LARP6: variants seen among roughly 807,000 people sequenced by gnomAD.
The protein encoded by LARP6 is la-related protein 6.
In LARP6, 18 loss-of-function variants were observed where a neutral mutation model predicts 32.8. That is an observed-to-expected ratio of 0.55 (90% confidence interval 0.38 to 0.81). The LOEUF (loss-of-function observed/expected upper bound fraction) is 0.81. Among genes scored for constraint, LARP6 ranks in the 40% least tolerant of loss-of-function variants. The pLI is 0.00. For synonymous variants in LARP6, 289 were observed against 267.2 expected (o/e 1.08, Z -0.80); for missense variants, 598 against 663.1 (o/e 0.90, Z 1.08).
intron 1 of LARP6, among the ~76,000 whole-genome samples, chr15:70,840,265 C>A (rs1031154671): frequency 6.6e-6 from 1 of 152,110 alleles, no homozygotes; most frequent in African/African-American, 2.4e-5. Flanking sequence ...TGAGGCCGGG[C>A]GCGGTGGCTC....
chr15:70,841,966 C>G (rs2032266526), intron 1 of LARP6, among the ~76,000 whole-genome samples: 3 of 152,118 alleles, frequency 2.0e-5, no homozygotes, highest in Admixed American at 2.0e-4. Context: ...CTTCTTGATA[C>G]TCTCCCCCCT....
At position 70,836,578 on chromosome 15, in the gene LARP6, G is replaced by C; in HGVS notation, c.201-73C>G. On this transcript the variant is annotated intron_variant, in intron 1 of 2. Transcript: ENST00000299213. ...GTCCCCCAAAAATTCATATGCTGAA[G>C]TCCTGACCCCCAATACCTTGGAGTA... 4 of 1,217,722 alleles carry C rather than the reference G, an allele frequency of 3.3e-6. No homozygotes were observed. The South Asian group carries it at 4.9e-5, about 15-fold the overall frequency. The allele number at this position is 1,217,722 out of a possible 1,614,324, so 75.4% of individuals were successfully genotyped here.
intron 1 of LARP6, among the ~76,000 whole-genome samples, chr15:70,842,319 A>G (rs1300369746): frequency 6.6e-6 from 1 of 151,904 alleles, no homozygotes; most frequent in Non-Finnish European, 1.5e-5. Context: ...AACTGTTGGG[A>G]TTACAGGTAT....
intron 1 of LARP6, chr15:70,853,449 G>C (rs988000375): frequency 6.5e-6 from 1 of 154,280 alleles, no homozygotes; most frequent in Non-Finnish European, 1.4e-5. Context: ...GGGAAAGGCA[G>C]GGCGATGATG....
At position 70,832,609 on chromosome 15, in the gene LARP6, CATG is replaced by C. The variant is rs778379986; in HGVS notation, c.916_918del (p.His306del). ...TGGATGCTCGCAGTGGGCTCCTCGTCATGATTTTTGTCTTTGGCAGGTTTCTTT... is the reference window on the plus strand; with the variant it reads ...TGGATGCTCGCAGTGGGCTCCTCGTCATTTTTGTCTTTGGCAGGTTTCTTT... On this transcript the variant is annotated inframe_deletion, in exon 3 of 3. Coordinates refer to ENST00000299213, the MANE Select transcript of LARP6 (RefSeq NM_018357.4). 1 of 1,605,336 alleles carries C rather than the reference CATG, an allele frequency of 6.2e-7. No homozygotes were observed. Among genetic ancestry groups the C allele is most frequent in the African/African-American group, 1.3e-5 (1 of 74,372 alleles).
At chr15:70,849,385 A>C (rs1292125782) in intron 1 of LARP6, 1 of 156,500 alleles carries the variant, frequency 6.4e-6, no homozygotes, top group African/African-American at 2.4e-5. Context: ...ACAAACAAAC[A>C]AACAAAAAAA....
rs749478458 is a variant in LARP6, at chr15:70,829,580, A to C, written c.*2472T>G. 6.6e-6 allele frequency: 1 copy of C among 152,242 alleles called. No homozygotes were observed. Among genetic ancestry groups the C allele is most frequent in the Non-Finnish European group, 1.5e-5 (1 of 68,044 alleles). The allele number at this position is 152,242 out of a possible 1,614,324, so 9.4% of individuals were successfully genotyped here. The stretch of plus-strand genomic sequence containing the variant: ...ACTAATGCCTGCAAAGCACTTTTCC[A>C]TTCAGAAAGCACTTGCACATATATG... On this transcript the variant is annotated 3_prime_UTR_variant, in exon 3 of 3. Transcript: ENST00000299213.
At chr15:70,836,698 G>A (rs2032155214) in intron 1 of LARP6, among the ~76,000 whole-genome samples, 193 bp from the exon 2 acceptor site, 1 of 152,070 alleles carries the variant, frequency 6.6e-6, no homozygotes, top group South Asian at 2.1e-4. Context: ...ACACAACTAG[G>A]GTCCTTACCA....
chr15:70,831,981 G>T lies in LARP6; in HGVS notation c.*71C>A, dbSNP rs1408562139. On this transcript the variant is annotated 3_prime_UTR_variant, in exon 3 of 3. Coordinates refer to ENST00000299213, the MANE Select transcript of LARP6 (RefSeq NM_018357.4). The stretch of plus-strand genomic sequence containing the variant: ...AGGGGAACGAATTCCATTCTGTCAT[G>T]CCAGGTGTTTGTCAGAACCTTGAAA... The T allele has an allele frequency of 3.8e-6, 4 of 1,042,194 alleles. No individual in the cohort carries two copies. In the African/African-American group the frequency reaches 6.4e-5, roughly 17 times the overall value. The allele number at this position is 1,042,194 out of a possible 1,614,324, so 64.6% of individuals were successfully genotyped here. A position where few individuals can be genotyped will look rare whatever the true frequency, so the allele number is the denominator to read the frequency against.
intron 1 of LARP6, among the ~76,000 whole-genome samples, chr15:70,848,019 A>G (rs2032378626): frequency 6.6e-6 from 1 of 152,236 alleles, no homozygotes; most frequent in South Asian, 2.1e-4. Context: ...CACCTCTAGA[A>G]CAAGATAATG....
rs754847757 is a variant in LARP6, at chr15:70,832,837, G to C, written c.691C>G (p.Arg231Gly). 2 of 1,612,898 alleles carry C rather than the reference G, an allele frequency of 1.2e-6. No homozygotes were observed. The highest frequency in any genetic ancestry group is 1.7e-5 in the Admixed American group (1 of 59,726). The change falls in exon 3 of 3, where the codon CGG becomes GGG. Residue 231 changes from arginine to glycine, a missense_variant. Arg to Gly is a moderately radical substitution (Grantham distance 125). This residue lies in a region of LARP6 where 368 missense variants were observed against 397.9 expected (regional missense o/e 0.92). Coordinates refer to ENST00000299213, the MANE Select transcript of LARP6 (RefSeq NM_018357.4). ...AGCTCTCTCCCAGGTTTGAGGATCCGCACTGATGAGATGACTCCAAAAGTC... is the reference window on the plus strand; with the variant it reads ...AGCTCTCTCCCAGGTTTGAGGATCCCCACTGATGAGATGACTCCAAAAGTC... The part of the protein sequence containing the change: ...FGTFGVISSV[R>G]ILKPGRELPP...
chr15:70,853,856 G>A (rs1356209962), intron 1 of LARP6, 33 bp downstream of exon 1: 2 of 1,233,786 alleles, frequency 1.6e-6, no homozygotes, highest in Admixed American at 8.7e-5. Context: ...CGCCCCCTCG[G>A]GGCCCACCTC....
intron 1 of LARP6, among the ~76,000 whole-genome samples, chr15:70,837,889 A>G (rs1216135880): frequency 6.6e-6 from 1 of 152,250 alleles, no homozygotes; most frequent in Non-Finnish European, 1.5e-5. Flanking sequence ...GAAGTGTTTC[A>G]GATTTCCAAT....
chr15:70,835,386 G>A (rs533235375), intron 2 of LARP6, among the ~76,000 whole-genome samples: 61 of 152,264 alleles, frequency 4.0e-4, no homozygotes, highest in African/African-American at 1.2e-3. Context: ...GGGGGAGTAC[G>A]ATCTTCACTC....
chr15:70,837,063 C>T (rs2032161240), intron 1 of LARP6, among the ~76,000 whole-genome samples: 1 of 152,166 alleles, frequency 6.6e-6, no homozygotes, highest in Admixed American at 6.6e-5. Context: ...TCATTTTTAA[C>T]AAGCATGGAG....
At chr15:70,851,617 G>A (rs776747923) in intron 1 of LARP6, 7 of 1,608,116 alleles carry the variant, frequency 4.4e-6, no homozygotes, top group East Asian at 4.5e-5. Flanking sequence ...ATAGAGATAC[G>A]CATTCAGTCA....
rs557915256 is a variant in LARP6, at chr15:70,829,720, G to C, written c.*2332C>G. 3 of 151,620 alleles carry C rather than the reference G, an allele frequency of 2.0e-5. 1 individual carries two copies. The South Asian group carries it at 6.2e-4, about 31-fold the overall frequency. 9.4% of individuals were successfully genotyped at this position (151,620 alleles called of 1,614,324 possible). On this transcript the variant is annotated 3_prime_UTR_variant, in exon 3 of 3. Coordinates refer to ENST00000299213, the MANE Select transcript of LARP6 (RefSeq NM_018357.4). Reference sequence around the variant, plus strand: ...TTGCTTAGTAGAAAAGCCACGACTCGACCTCAGATCTGCTGACCCCCACTT... The same window carrying C: ...TTGCTTAGTAGAAAAGCCACGACTCCACCTCAGATCTGCTGACCCCCACTT...
chr15:70,841,193 G>A (rs927444273), intron 1 of LARP6, among the ~76,000 whole-genome samples: 7 of 152,164 alleles, frequency 4.6e-5, no homozygotes, highest in Non-Finnish European at 8.8e-5. Flanking sequence ...GATTACAGGC[G>A]TGAGCCACCG....
At chr15:70,842,581 C>A (rs1232289200) in intron 1 of LARP6, among the ~76,000 whole-genome samples, 1 of 152,184 alleles carries the variant, frequency 6.6e-6, no homozygotes, top group Non-Finnish European at 1.5e-5. Context: ...AATATGTCCA[C>A]AATCTAACTT....
Sources: allele counts gnomAD v4.1 joint callset (sites outside exome capture counted in the v4.1 genomes callset), GRCh38; gene constraint gnomAD v4.1.1; regional missense constraint gnomAD v4.1.1; transcripts MANE v1.5; gene names NCBI Gene and HGNC (gene_info 2026-07-23, HGNC 2026-07-21).